MTUS2: variants seen among roughly 807,000 people sequenced by gnomAD.
MTUS2 encodes microtubule-associated tumor suppressor candidate 2.
Under a neutral mutation model 114.1 loss-of-function variants are expected in MTUS2, and 40 were observed. The observed-to-expected ratio is 0.35, with a 90% CI of 0.27 to 0.46. The LOEUF (loss-of-function observed/expected upper bound fraction) is 0.46. Among genes scored for constraint, MTUS2 ranks in the 20% least tolerant of loss-of-function variants. The pLI, the probability that MTUS2 is intolerant of heterozygous loss-of-function variation, is 1.00. For missense variants in MTUS2, 1,679 were observed against 1,705.4 expected, an observed-to-expected ratio of 0.98 and a Z score of 0.27; for synonymous variants, 688 against 672.0, an observed-to-expected ratio of 1.02 and a Z score of -0.37.
intron 8 of MTUS2, chr13:29,428,765 T>G: frequency 6.2e-7 from 1 of 1,605,664 alleles, no homozygotes; most frequent in African/African-American, 1.3e-5. Context: ...CCCTTTCGTG[T>G]GTGCCGGTAC....
At chr13:29,225,541 A>G (rs1427223219) in intron 5 of MTUS2, among the ~76,000 whole-genome samples, 2 of 152,204 alleles carry the variant, frequency 1.3e-5, no homozygotes, top group African/African-American at 4.8e-5. Context: ...CTGAAAGATT[A>G]ATTTAAGAAA....
intron 5 of MTUS2, among the ~76,000 whole-genome samples, chr13:29,190,602 A>G (rs1894406342): frequency 6.6e-6 from 1 of 152,264 alleles, no homozygotes; most frequent in African/African-American, 2.4e-5. Context: ...TGGTAGGCAC[A>G]GGTGAGTGCA....
At chr13:29,440,309 G>T (rs1048357841) in intron 9 of MTUS2, among the ~76,000 whole-genome samples, 2 of 152,124 alleles carry the variant, frequency 1.3e-5, no homozygotes, top group African/African-American at 4.8e-5. Context: ...TTTGCAGATG[G>T]CAGCTCATAC....
At chr13:29,226,899 A>G (rs1174690792) in intron 5 of MTUS2, among the ~76,000 whole-genome samples, 1 of 152,176 alleles carries the variant, frequency 6.6e-6, no homozygotes, top group Non-Finnish European at 1.5e-5. Context: ...GAGTGATTAC[A>G]GGTTTCAGAA....
chr13:29,060,254 C>T (rs941689933), intron 4 of MTUS2, among the ~76,000 whole-genome samples: 3 of 152,170 alleles, frequency 2.0e-5, no homozygotes, highest in Non-Finnish European at 4.4e-5. Flanking sequence ...GAGTTGCCCC[C>T]ACAAAATGTC....
chr13:29,077,187 G>T (rs1342799818), intron 4 of MTUS2, among the ~76,000 whole-genome samples: 2 of 152,068 alleles, frequency 1.3e-5, no homozygotes, highest in Non-Finnish European at 2.9e-5. Flanking sequence ...GAGAGCTGTA[G>T]CCCTAATACT....
intron 8 of MTUS2, among the ~76,000 whole-genome samples, chr13:29,374,636 G>A (rs909033786): frequency 1.3e-5 from 2 of 152,192 alleles, no homozygotes; most frequent in African/African-American, 2.4e-5. Flanking sequence ...GGAGGCTCAC[G>A]CCTGTAATCC....
intron 7 of MTUS2, among the ~76,000 whole-genome samples, chr13:29,339,336 C>T (rs994278929): frequency 5.9e-5 from 9 of 152,166 alleles, no homozygotes; most frequent in African/African-American, 2.2e-4. Context: ...GCGGGGACCT[C>T]TCCATGTCTC....
chr13:29,327,211 A>G (rs1003589823), intron 7 of MTUS2, among the ~76,000 whole-genome samples: 27 of 152,208 alleles, frequency 1.8e-4, no homozygotes, highest in African/African-American at 6.3e-4. Flanking sequence ...TTGTGGCATT[A>G]TAGTTGTAAA....
chr13:29,072,365 C>T lies in MTUS2; in HGVS notation c.2447-28408C>T, dbSNP rs115168412. Among the ~76,000 whole-genome samples the T allele has an allele frequency of 5.3e-4, 81 of 152,252 alleles. 1 individual carries two copies. Among genetic ancestry groups the T allele is most frequent in the African/African-American group, 1.5e-3 (63 of 41,566 alleles). On this transcript the variant is annotated intron_variant, in intron 4 of 15. Coordinates refer to ENST00000612955, the MANE Select transcript of MTUS2 (RefSeq NM_001033602.4). ...CTGTCTCATCTTGTGCTGGCAGTCTCGCCAAAATCTAGTCAACAAAACATT... is the reference window on the plus strand; with the variant it reads ...CTGTCTCATCTTGTGCTGGCAGTCTTGCCAAAATCTAGTCAACAAAACATT...
At chr13:29,453,677 G>A (rs1419914839) in intron 9 of MTUS2, among the ~76,000 whole-genome samples, 1 of 152,362 alleles carries the variant, frequency 6.6e-6, no homozygotes, top group Non-Finnish European at 1.5e-5. Context: ...TTCAGAGACA[G>A]CATTAATGAC....
intron 4 of MTUS2, among the ~76,000 whole-genome samples, chr13:29,041,611 G>C (rs777333696): frequency 6.6e-6 from 1 of 151,988 alleles, no homozygotes; most frequent in Non-Finnish European, 1.5e-5. Flanking sequence ...TGTCATCTGT[G>C]ATTTTTTTCG....
intron 5 of MTUS2, among the ~76,000 whole-genome samples, chr13:29,238,765 C>T (rs938103227): frequency 4.6e-5 from 7 of 152,168 alleles, no homozygotes; most frequent in Non-Finnish European, 1.0e-4. Context: ...TACTTTGCAT[C>T]CTTCAATCCA....
chr13:28,929,096 C>T (rs189815865), intron 2 of MTUS2, among the ~76,000 whole-genome samples: 5 of 151,548 alleles, frequency 3.3e-5, no homozygotes, highest in Admixed American at 6.6e-5. Context: ...CTCCCTCATA[C>T]GTCAAAACCA....
chr13:29,213,644 A>G (rs192168731), intron 5 of MTUS2, among the ~76,000 whole-genome samples: 459 of 152,278 alleles, frequency 3.0e-3, no homozygotes, highest in African/African-American at 0.01. Context: ...TTGTTAATAG[A>G]GCCACTTTGG....
chr13:29,405,132 C>T (rs924012579), intron 8 of MTUS2, among the ~76,000 whole-genome samples: 4 of 152,122 alleles, frequency 2.6e-5, no homozygotes, highest in African/African-American at 9.7e-5. Context: ...GAAAATAATC[C>T]AGCAATTCAA....
intron 2 of MTUS2, among the ~76,000 whole-genome samples, chr13:29,021,860 T>C (rs1886306184): frequency 6.6e-6 from 1 of 152,164 alleles, no homozygotes; most frequent in Non-Finnish European, 1.5e-5. Flanking sequence ...AAATGAAGAC[T>C]GTGATCAGGG....
intron 2 of MTUS2, among the ~76,000 whole-genome samples, chr13:28,961,394 A>T (rs1283833843): frequency 1.3e-5 from 2 of 152,176 alleles, no homozygotes; most frequent in Non-Finnish European, 2.9e-5. Flanking sequence ...TAGAAATGAC[A>T]CCTTATCTAT....
At chr13:29,079,220 T>A (rs1889333128) in intron 4 of MTUS2, among the ~76,000 whole-genome samples, 1 of 152,228 alleles carries the variant, frequency 6.6e-6, no homozygotes, top group African/African-American at 2.4e-5. Flanking sequence ...TAGTTGTACA[T>A]GTTCTTGGGG....
Sources: gnomAD v4.1 joint callset for allele counts (sites outside exome capture counted in the v4.1 genomes callset) on GRCh38, gnomAD v4.1.1 for gene constraint, MANE v1.5 for transcripts, NCBI Gene and HGNC (gene_info 2026-07-23, HGNC 2026-07-21) for gene names.